The following TDRD5 variants were observed in gnomAD, a reference collection of about 807,000 sequenced individuals.
TDRD5 encodes tudor domain-containing protein 5.
A neutral mutation model predicts 120.6 loss-of-function variants in TDRD5; 41 were observed. The observed-to-expected ratio is 0.34, with a 90% CI of 0.26 to 0.44. TDRD5 has a LOEUF of 0.44. Among genes scored for constraint, TDRD5 ranks in the 20% least tolerant of loss-of-function variants. The pLI is 1.00. For missense variants in TDRD5, 1,006 were observed against 1,221.2 expected (o/e 0.82, Z 2.63); for synonymous variants, 430 against 433.7 (o/e 0.99, Z 0.11).
chr1:179,677,207 T>C (rs1313743112), intron 17 of TDRD5, among the ~76,000 whole-genome samples: 1 of 152,142 alleles, frequency 6.6e-6, no homozygotes, highest in South Asian at 2.1e-4. Flanking sequence ...GTTGTGATTG[T>C]TTTTTATTAA....
chr1:179,607,871 C>A (rs1238817830), intron 4 of TDRD5, among the ~76,000 whole-genome samples: 3 of 151,914 alleles, frequency 2.0e-5, no homozygotes, highest in Admixed American at 6.6e-5. Context: ...TGTTTACTTA[C>A]ACTTATTTCT....
intron 9 of TDRD5, among the ~76,000 whole-genome samples, chr1:179,639,092 A>G (rs1677908850): frequency 6.6e-6 from 1 of 152,270 alleles, no homozygotes; most frequent in Admixed American, 6.5e-5. Flanking sequence ...ACAATTGATC[A>G]GTAGTGTGGT....
chr1:179,647,553 T>C (rs998123611), intron 11 of TDRD5, among the ~76,000 whole-genome samples: 2 of 151,512 alleles, frequency 1.3e-5, no homozygotes, highest in Non-Finnish European at 3.0e-5. Context: ...AAGGACTTCA[T>C]GTCTAAAACA....
At chr1:179,595,245 A>G (rs528507372) in intron 3 of TDRD5, among the ~76,000 whole-genome samples, 2 of 152,270 alleles carry the variant, frequency 1.3e-5, no homozygotes, top group East Asian at 3.9e-4. Context: ...GAACTGTGGT[A>G]CTACTACTAG....
chr1:179,685,696 C>T (rs1680666657), intron 17 of TDRD5, among the ~76,000 whole-genome samples: 1 of 151,976 alleles, frequency 6.6e-6, no homozygotes, highest in Non-Finnish European at 1.5e-5. Flanking sequence ...CTTCCATTTG[C>T]TTGTATCTTC....
chr1:179,676,295 C>A (rs1365661190), intron 17 of TDRD5, among the ~76,000 whole-genome samples: 4 of 152,152 alleles, frequency 2.6e-5, no homozygotes, highest in African/African-American at 7.2e-5. Context: ...TTGGTGAATT[C>A]TTATCCATTC....
At position 179,690,711 on chromosome 1, in the gene TDRD5, A is replaced by C. The variant is rs1333176431; in HGVS notation, c.2876A>C (p.Glu959Ala). 1 of 1,613,756 alleles carries C rather than the reference A, an allele frequency of 6.2e-7. No individual in the cohort carries two copies. Among genetic ancestry groups the C allele is most frequent in the Non-Finnish European group, 8.5e-7 (1 of 1,179,834 alleles). The change falls in exon 18 of 18, where the codon GAG (glutamate) becomes GCG (alanine). Residue 959 changes from glutamate to alanine, a missense_variant. Glu to Ala is a moderately radical substitution (Grantham distance 107). Transcript: ENST00000444136. ...KPSGSVESSP[E>A]ILKNEDFSSS... ...TCTTTTCCAGTGGAAAGCTCACCAGAGATCCTAAAGAATGAAGATTTTTCT... is the reference window on the plus strand; with the variant it reads ...TCTTTTCCAGTGGAAAGCTCACCAGCGATCCTAAAGAATGAAGATTTTTCT...
rs1301386311 is a variant in TDRD5 at position 179,691,192 on chromosome 1, T to G, written c.*249T>G. ...TCATTTTGTTCACCTTTGTTTTTAATGTAGTTTAAAGGAATTTGTTTTTTT... is the reference window on the plus strand; with the variant it reads ...TCATTTTGTTCACCTTTGTTTTTAAGGTAGTTTAAAGGAATTTGTTTTTTT... On this transcript the variant is annotated 3_prime_UTR_variant, in exon 18 of 18. Coordinates refer to ENST00000444136, the MANE Select transcript of TDRD5 (RefSeq NM_001199085.3). 1 of 384,798 alleles carries G rather than the reference T, an allele frequency of 2.6e-6. No homozygotes were observed. The highest frequency in any genetic ancestry group is 2.1e-5 in the African/African-American group (1 of 48,716). 23.8% of individuals were successfully genotyped at this position (384,798 alleles called of 1,614,324 possible). A position where few individuals can be genotyped will look rare whatever the true frequency, so the allele number is the denominator to read the frequency against.
At chr1:179,599,575 G>A (rs1397049424) in intron 4 of TDRD5, among the ~76,000 whole-genome samples, 3 of 150,270 alleles carry the variant, frequency 2.0e-5, no homozygotes, top group African/African-American at 4.9e-5. Context: ...CTTGTCTTTC[G>A]AGGTGCTGTC....
rs768714084 is a variant in TDRD5 at position 179,654,239 on chromosome 1, A to G, written c.2199A>G (p.Lys733=). The change falls in exon 14 of 18, where the codon AAA becomes AAG. Residue 733 remains lysine (K), a synonymous_variant. Transcript: ENST00000444136. ...ATGAAAAGTCTTTAAGTCATCTTAAATCTGAGTCAAAGGAGCCATTAAAGG... is the reference window on the plus strand; with the variant it reads ...ATGAAAAGTCTTTAAGTCATCTTAAGTCTGAGTCAAAGGAGCCATTAAAGG... ...INDEKSLSHL[K]SESKEPLKDS... 11 of 1,548,592 alleles carry G rather than the reference A, an allele frequency of 7.1e-6. No homozygotes were observed. The South Asian group carries it at 1.2e-4, about 17-fold the overall frequency.
At chr1:179,615,099 C>G (rs1676493521) in intron 4 of TDRD5, among the ~76,000 whole-genome samples, 1 of 151,896 alleles carries the variant, frequency 6.6e-6, no homozygotes, top group African/African-American at 2.4e-5. Flanking sequence ...TATGCACTTC[C>G]CATATAAGTA....
chr1:179,654,009 G>C (rs1678859723), intron 13 of TDRD5, among the ~76,000 whole-genome samples, 192 bp from the exon 14 acceptor site: 2 of 152,192 alleles, frequency 1.3e-5, no homozygotes, highest in Non-Finnish European at 2.9e-5. Context: ...TCATGATAAG[G>C]GTTCAATAAA....
rs200365725 is a variant in TDRD5 at position 179,635,855 on chromosome 1, A to T, written c.1488A>T (p.Ser496=). The change falls in exon 9 of 18, where the codon TCA becomes TCT. Residue 496 remains serine (S), a synonymous_variant. Transcript: ENST00000444136. ...TCCGGATCTATAGCAGGGATTCGTC[A>T]GAGTTACTCGAAGACATGATGATTG... ...FYIRIYSRDS[S]ELLEDMMIEM... is the part of the protein sequence containing the mutation. 8 of 1,613,786 alleles carry T rather than the reference A, an allele frequency of 5.0e-6. No individual in the cohort carries two copies. The highest frequency in any genetic ancestry group is 5.1e-6 in the Non-Finnish European group (6 of 1,179,976).
At chr1:179,677,081 TA>T (rs1044677033) in intron 17 of TDRD5, among the ~76,000 whole-genome samples, 1 of 152,152 alleles carries the variant, frequency 6.6e-6, no homozygotes, top group African/African-American at 2.4e-5. Context: ...TGGATCAGGT[TA>T]ATTCAAAAGC....
chr1:179,682,516 G>A (rs1680478924), intron 17 of TDRD5, among the ~76,000 whole-genome samples: 1 of 152,054 alleles, frequency 6.6e-6, no homozygotes, highest in South Asian at 2.1e-4. Flanking sequence ...TCCTGTGTTA[G>A]CTGAGAATGA....
chr1:179,656,720 G>T (rs573177822), intron 14 of TDRD5, among the ~76,000 whole-genome samples: 26 of 152,248 alleles, frequency 1.7e-4, no homozygotes, highest in Non-Finnish European at 2.9e-4. Flanking sequence ...CTACCACATT[G>T]TCTTGATTAC....
chr1:179,623,625 CTTTT>C (rs11428251), intron 6 of TDRD5, among the ~76,000 whole-genome samples: 77 of 97,898 alleles, frequency 7.9e-4, no homozygotes, highest in Admixed American at 1.3e-3. Flanking sequence ...CCAACTCATT[CTTTT>C]TTTTTTTTTT....
At chr1:179,670,856 G>T (rs931342948) in intron 17 of TDRD5, among the ~76,000 whole-genome samples, 1 of 152,194 alleles carries the variant, frequency 6.6e-6, no homozygotes, top group East Asian at 1.9e-4. Context: ...AGTATCTTTG[G>T]AAGAGCAAAA....
intron 7 of TDRD5, among the ~76,000 whole-genome samples, chr1:179,633,900 G>A (rs1390726148): frequency 9.9e-5 from 15 of 151,798 alleles, no homozygotes; most frequent in East Asian, 9.8e-4. Flanking sequence ...GGCTGGGCGC[G>A]GTGGCTCACA....
Sources: allele counts gnomAD v4.1 joint callset (sites outside exome capture counted in the v4.1 genomes callset), GRCh38; gene constraint gnomAD v4.1.1; transcripts MANE v1.5; gene names NCBI Gene and HGNC (gene_info 2026-07-23, HGNC 2026-07-21).